KLRG2: variants seen among roughly 807,000 people sequenced by gnomAD.
KLRG2 encodes the protein killer cell lectin like receptor G2.
KLRG2 carries 39 observed loss-of-function variants against 35.4 expected under a neutral mutation model. That is an observed-to-expected ratio of 1.10 (90% confidence interval 0.85 to 1.44). KLRG2 has a LOEUF of 1.44. KLRG2 is among the 40% of genes most tolerant of loss of function. KLRG2 has a pLI of 0.00. For synonymous variants in KLRG2, 283 were observed against 265.8 expected, an observed-to-expected ratio of 1.06 and a Z score of -0.63; for missense variants, 632 against 570.9, an observed-to-expected ratio of 1.11 and a Z score of -1.09.
At chr7:139,471,590 G>C (rs1001964597) in intron 3 of KLRG2, among the ~76,000 whole-genome samples, 1 of 152,146 alleles carries the variant, frequency 6.6e-6, no homozygotes, top group Non-Finnish European at 1.5e-5. Context: ...GAACCTGGGA[G>C]ATGGTGGTTG....
Position 139,483,410 on chromosome 7 carries a change from G to C in KLRG2, c.233C>G (p.Pro78Arg), listed in dbSNP as rs757346226. The change falls in exon 1 of 5, where the codon CCG (proline) becomes CGG (arginine). Residue 78 changes from proline to arginine, a missense_variant. Coordinates refer to ENST00000340940, the MANE Select transcript of KLRG2 (RefSeq NM_198508.4). The part of the protein sequence containing the change: ...KKPPSPRPGS[P>R]RVPPLSLGYG... ...GCCCAGGCTGAGCGGCGGCACGCGC[G>C]GGGACCCGGGGCGAGGCGAAGGCGG... 1 of 1,543,974 alleles carries C rather than the reference G, an allele frequency of 6.5e-7. No individual in the cohort carries two copies. The highest frequency in any genetic ancestry group is 1.2e-5 in the South Asian group (1 of 83,280).
intron 3 of KLRG2, among the ~76,000 whole-genome samples, chr7:139,456,522 C>T (rs1236711845): frequency 2.6e-5 from 4 of 152,152 alleles, no homozygotes; most frequent in African/African-American, 4.8e-5. Flanking sequence ...CCTGCCATGA[C>T]GCCCAATTTA....
chr7:139,437,382 A>G, the KLRG2 span, among the ~76,000 whole-genome samples: 4 of 145,342 alleles, frequency 2.8e-5, no homozygotes, highest in African/African-American at 1.0e-4. Context: ...CCAAGATTAC[A>G]CTACTGCACT....
the KLRG2 span, among the ~76,000 whole-genome samples, chr7:139,429,286 ACAGAGCAAGACCCTGTCTCAAAAAAT>A: frequency 6.6e-6 from 1 of 152,286 alleles, no homozygotes; most frequent in African/African-American, 2.4e-5. Flanking sequence ...AGCCTGGGTG[ACAGAGCAAGACCCTGTCTCAAAAAAT>A]AAGTAAATAA....
At chr7:139,470,552 G>A (rs1796738279) in intron 3 of KLRG2, among the ~76,000 whole-genome samples, 1 of 152,186 alleles carries the variant, frequency 6.6e-6, no homozygotes. Flanking sequence ...AGGACTTTGG[G>A]AGCCTGAGGT....
At chr7:139,455,400 C>A (rs1359518222) in intron 3 of KLRG2, among the ~76,000 whole-genome samples, 1 of 148,446 alleles carries the variant, frequency 6.7e-6, no homozygotes. Flanking sequence ...CGGCTCACTG[C>A]AAGCTCTGTC....
intron 1 of KLRG2, among the ~76,000 whole-genome samples, chr7:139,480,614 T>G (rs1194624441): frequency 6.6e-6 from 1 of 150,432 alleles, no homozygotes; most frequent in Non-Finnish European, 1.5e-5. Context: ...CCCGGCTAAT[T>G]TTTTGTATTT....
intron 3 of KLRG2, among the ~76,000 whole-genome samples, chr7:139,474,815 T>C (rs1796821056): frequency 6.6e-6 from 1 of 152,124 alleles, no homozygotes; most frequent in Non-Finnish European, 1.5e-5. Context: ...TGTCCACAGT[T>C]CCTGGCTTAT....
At chr7:139,429,335 A>C in the KLRG2 span, among the ~76,000 whole-genome samples, 2 of 151,832 alleles carry the variant, frequency 1.3e-5, no homozygotes, top group African/African-American at 4.8e-5. Context: ...CATCACTTCA[A>C]GTCGTTCTTT....
At position 139,482,915 on chromosome 7, in the gene KLRG2, T is replaced by C. The variant is rs746249975; in HGVS notation, c.728A>G (p.Glu243Gly). 4.7e-6 allele frequency: 7 copies of C among 1,492,558 alleles called. No individual in the cohort carries two copies. Among genetic ancestry groups the C allele is most frequent in the Non-Finnish European group, 5.3e-6 (6 of 1,131,946 alleles). The allele number at this position is 1,492,558 out of a possible 1,614,324, so 92.5% of individuals were successfully genotyped here. A position where few individuals can be genotyped will look rare whatever the true frequency, so the allele number is the denominator to read the frequency against. Residue 243 changes from glutamate (E) to glycine (G), a missense_variant, in exon 1 of 5, where the codon GAG (glutamate) becomes GGG (glycine). Transcript: ENST00000340940. ...LLPRAGLDGD[E>G]KLPRAVTLTG... Reference sequence around the variant, plus strand: ...AAGCGTTACGGCCCGGGGCAGCTTCTCGTCGCCGTCCAACCCCGCGCGGGG... The same window carrying C: ...AAGCGTTACGGCCCGGGGCAGCTTCCCGTCGCCGTCCAACCCCGCGCGGGG...
chr7:139,462,084 CTTCTCTTAAT>C (rs1186635058), intron 3 of KLRG2, among the ~76,000 whole-genome samples: 1 of 152,202 alleles, frequency 6.6e-6, no homozygotes, highest in Non-Finnish European at 1.5e-5. Context: ...CAGTCTCTCC[CTTCTCTTAAT>C]TTCAGTGCCT....
the KLRG2 span, among the ~76,000 whole-genome samples, chr7:139,445,767 G>GTA: frequency 3.1e-3 from 277 of 89,206 alleles, 4 homozygotes; most frequent in South Asian, 0.019. Flanking sequence ...ATATGTGTAT[G>GTA]TATATATATA....
chr7:139,451,663 G>A (rs1180864307), downstream of KLRG2, among the ~76,000 whole-genome samples: 2 of 152,112 alleles, frequency 1.3e-5, no homozygotes, highest in African/African-American at 4.8e-5. Flanking sequence ...GTGCTGGGAT[G>A]GAAAGAATGC....
In KLRG2 at chr7:139,477,960, G is replaced by A. The variant is rs1018479725; in HGVS notation, c.1005+1667C>T. Among the ~76,000 whole-genome samples, 3 of 151,844 alleles carry A rather than the reference G, an allele frequency of 2.0e-5. No homozygotes were observed. In the East Asian group the frequency reaches 5.9e-4, roughly 30 times the overall value. On this transcript the variant is annotated intron_variant, in intron 3 of 4. Coordinates refer to ENST00000340940, the MANE Select transcript of KLRG2 (RefSeq NM_198508.4). Reference sequence around the variant, plus strand: ...TTTTTAGTAGAGACGGGGTTTCACCGTGTTAGCCAAGATGGTCTCGATCTC... The same window carrying A: ...TTTTTAGTAGAGACGGGGTTTCACCATGTTAGCCAAGATGGTCTCGATCTC...
intron 3 of KLRG2, among the ~76,000 whole-genome samples, chr7:139,478,606 G>T (rs375219539): frequency 1.1e-4 from 17 of 151,922 alleles, no homozygotes; most frequent in East Asian, 1.9e-4. Flanking sequence ...GGAGGTGAAG[G>T]TTGCAGTGAG....
At chr7:139,433,304 G>T in the KLRG2 span, among the ~76,000 whole-genome samples, 7 of 123,012 alleles carry the variant, frequency 5.7e-5, no homozygotes, top group Non-Finnish European at 1.6e-5. Context: ...AGTACCTGTG[G>T]TGTGTGGTTT....
At chr7:139,436,414 G>A in the KLRG2 span, among the ~76,000 whole-genome samples, 1 of 152,150 alleles carries the variant, frequency 6.6e-6, no homozygotes, top group African/African-American at 2.4e-5. Flanking sequence ...AACAGTGACA[G>A]CTTAGTGGTC....
chr7:139,462,202 A>G (rs758860026), intron 3 of KLRG2, among the ~76,000 whole-genome samples: 17 of 152,150 alleles, frequency 1.1e-4, no homozygotes, highest in Non-Finnish European at 2.1e-4. Context: ...CTTGGTGTTT[A>G]ATCACGCAGG....
At chr7:139,474,305 C>T (rs746237821) in intron 3 of KLRG2, among the ~76,000 whole-genome samples, 35 of 152,102 alleles carry the variant, frequency 2.3e-4, no homozygotes, top group Non-Finnish European at 3.7e-4. Context: ...GGATTACAGG[C>T]ATGAGCCACT....
Sources: gnomAD v4.1 joint callset for allele counts (sites outside exome capture counted in the v4.1 genomes callset) on GRCh38, gnomAD v4.1.1 for gene constraint, MANE v1.5 for transcripts, NCBI Gene and HGNC (gene_info 2026-07-23, HGNC 2026-07-21) for gene names.